The following ATG9B variants were observed in gnomAD, a reference collection of about 807,000 sequenced individuals.
ATG9B encodes the protein autophagy related 9B.
Under a neutral mutation model 92.9 loss-of-function variants are expected in ATG9B, and 92 were observed. The observed-to-expected ratio is 0.99, with a 90% CI of 0.84 to 1.18. The LOEUF is 1.18. ATG9B is among the 50% of genes most tolerant of loss of function. ATG9B has a pLI of 0.00. For missense variants in ATG9B, 1,344 were observed against 1,235.0 expected (o/e 1.09, Z -1.32); for synonymous variants, 599 against 551.4 (o/e 1.09, Z -1.21).
Position 151,015,695 on chromosome 7 carries a change from G to T in ATG9B, c.*33C>A. 1.4e-6 allele frequency: 1 copy of T among 713,794 alleles called. No homozygotes were observed. The highest frequency in any genetic ancestry group is 2.1e-6 in the Non-Finnish European group (1 of 478,062). The allele number at this position is 713,794 out of a possible 1,614,324, so 44.2% of individuals were successfully genotyped here. On this transcript the variant is annotated 3_prime_UTR_variant, in exon 14 of 14. Coordinates refer to ENST00000639579, the MANE Select transcript of ATG9B (RefSeq NM_001317056.2). The stretch of plus-strand genomic sequence containing the variant: ...CTACTCCACCCTCCAATCTCCTGTG[G>T]CTGCCGAAGCCAGGGTACCTGTGGG...
At chr7:151,016,326 C>T (rs1392442816) in intron 11 of ATG9B, 91 bp from the exon 12 acceptor site, 2 of 1,486,514 alleles carry the variant, frequency 1.3e-6, no homozygotes, top group Non-Finnish European at 1.8e-6. Flanking sequence ...TCAGCCTCCT[C>T]CTGCCACTCT....
At position 151,017,179 on chromosome 7, in the gene ATG9B, G is replaced by C; in HGVS notation, c.2146C>G (p.Pro716Ala). The change falls in exon 9 of 14, where the codon CCA becomes GCA. Residue 716 changes from proline to alanine, a missense_variant. Transcript: ENST00000639579. ...LSLMRFSLAH[P>A]LWRPPGHSSK... ...CTGTGCCCTGGGGGGCGCCAGAGTG[G>C]ATGCGCCAGGGAGAACCGCATCAAA... 6.2e-7 allele frequency: 1 copy of C among 1,613,198 alleles called. No homozygotes were observed. The highest frequency in any genetic ancestry group is 1.1e-5 in the South Asian group (1 of 91,046).
In ATG9B at chr7:151,018,900, CGCGCGCCCCCA is replaced by C; in HGVS notation, c.1427_1437del (p.Leu476ArgfsTer213). The C allele has an allele frequency of 6.1e-6, 9 of 1,469,074 alleles. No homozygotes were observed. Among genetic ancestry groups the C allele is most frequent in the Non-Finnish European group, 8.0e-6 (9 of 1,119,240 alleles). 91.0% of individuals were successfully genotyped at this position (1,469,074 alleles called of 1,614,324 possible). A position where few individuals can be genotyped will look rare whatever the true frequency, so the allele number is the denominator to read the frequency against. Reference sequence around the variant, plus strand: ...TGCAAGCGCGCCAGGCGGGACCAGCCGCGCGCCCCCAGCGCGCCAGGCTCGCGCCGCAGCAG... The same window carrying C: ...TGCAAGCGCGCCAGGCGGGACCAGCCGCGCGCCAGGCTCGCGCCGCAGCAG... On this transcript the variant is annotated frameshift_variant, in exon 6 of 14. Coordinates refer to ENST00000639579, the MANE Select transcript of ATG9B (RefSeq NM_001317056.2). LOFTEE classifies it high-confidence loss of function. This position sits in a 1 kb window ranked among gnomAD's most constrained non-coding sequence, Gnocchi z 4.7.
At position 151,018,144 on chromosome 7, in the gene ATG9B, A is replaced by G. The variant is rs918293147; in HGVS notation, c.1873-94T>C. 6.8e-7 allele frequency: 1 copy of G among 1,470,446 alleles called. No homozygotes were observed. The highest frequency in any genetic ancestry group is 1.4e-5 in the African/African-American group (1 of 70,678). 91.1% of individuals were successfully genotyped at this position (1,470,446 alleles called of 1,614,324 possible). A position where few individuals can be genotyped will look rare whatever the true frequency, so the allele number is the denominator to read the frequency against. ...GTCCCCAGCGACCCTCGCCAGGGCA[A>G]GAAGCCTCCCCACCCAGTCACTCCC... On this transcript the variant is annotated intron_variant, in intron 7 of 13. Transcript: ENST00000639579. This position sits in a 1 kb window ranked among gnomAD's most constrained non-coding sequence, Gnocchi z 4.7.
Position 151,019,011 on chromosome 7 carries a change from CCAG to C in ATG9B, c.1324_1326del (p.Leu442del), listed in dbSNP as rs1249886714. On this transcript the variant is annotated inframe_deletion, in exon 6 of 14. Transcript: ENST00000639579. ...GGGCTCAGCGCCAGGTTCAGGGCGG[CCAG>C]CAGCAGCACTGTGCGCCCCCAGCGC... 1.3e-6 allele frequency: 2 copies of C among 1,559,078 alleles called. No individual in the cohort carries two copies.
intron 4 of ATG9B, 74 bp from the exon 5 acceptor site, chr7:151,021,403 G>A: frequency 2.0e-6 from 3 of 1,482,802 alleles, no homozygotes; most frequent in South Asian, 2.8e-5. Context: ...CTTCGGGAGT[G>A]AGGAAAAACC....
rs753676261 is a variant in ATG9B at position 151,021,263 on chromosome 7, C to T, written c.888G>A (p.Leu296=). ...TGAAGAGGTTGCAGACTGAGCGAAGCAGTTGGACCAGCCAGAAGCCGGCAG... is the reference window on the plus strand; with the variant it reads ...TGAAGAGGTTGCAGACTGAGCGAAGTAGTTGGACCAGCCAGAAGCCGGCAG... ...VLAAGFWLVQ[L]LRSVCNLFSY... The change falls in exon 5 of 14, where the codon CTG becomes CTA. Residue 296 remains leucine, a synonymous_variant. Transcript: ENST00000639579. The T allele has an allele frequency of 6.2e-7, 1 of 1,613,378 alleles. No homozygotes were observed. The highest frequency in any genetic ancestry group is 1.1e-5 in the South Asian group (1 of 91,066).
Position 151,017,946 on chromosome 7 carries a change from GA to G in ATG9B, c.1976del (p.Phe659SerfsTer19), listed in dbSNP as rs1215718447. The G allele has an allele frequency of 8.7e-6, 14 of 1,609,322 alleles. No homozygotes were observed. The highest frequency in any genetic ancestry group is 1.0e-5 in the Non-Finnish European group (12 of 1,177,734). On this transcript the variant is annotated frameshift_variant, in exon 8 of 14. Transcript: ENST00000639579. LOFTEE classifies it high-confidence loss of function. ...CCCCAACCCCAGCCACATCCACAGTGAAGTGATGAAAAAAGTCGATAATCTC... is the reference window on the plus strand; with the variant it reads ...CCCCAACCCCAGCCACATCCACAGTGAGTGATGAAAAAAGTCGATAATCTC... ...ALEIIDFFHH[F>X]TVDVAGVGDI...
chr7:151,016,941 A>G, intron 9 of ATG9B, 95 bp downstream of exon 9: 3 of 1,497,974 alleles, frequency 2.0e-6, no homozygotes, highest in Non-Finnish European at 2.7e-6. Context: ...GGGGCTGGTG[A>G]GGCAGGTTAC....
At chr7:151,014,668 G>GC (rs1296739014), downstream of ATG9B, 1 of 151,764 alleles carries the variant, frequency 6.6e-6, no homozygotes, top group African/African-American at 2.4e-5. Context: ...GAGTGCAGTG[G>GC]CGTGATCTCA....
chr7:151,023,696 G>T lies in ATG9B; in HGVS notation c.585C>A (p.Phe195Leu). ...SWHHIQNLDS[F>L]FTKIYSYHQR... Reference sequence around the variant, plus strand: ...CTAGCGCAAAGGATATCTTGGTGAAGAAACTGTCCAGGTTCTGGATGTGAT... The same window carrying T: ...CTAGCGCAAAGGATATCTTGGTGAATAAACTGTCCAGGTTCTGGATGTGAT... The change falls in exon 2 of 14, where the codon TTC (phenylalanine) becomes TTA (leucine). Residue 195 changes from phenylalanine (F) to leucine (L), a missense_variant. Phe to Leu is a conservative substitution (Grantham distance 22). Transcript: ENST00000639579. The T allele has an allele frequency of 6.2e-7, 1 of 1,614,074 alleles. No homozygotes were observed. Among genetic ancestry groups the T allele is most frequent in the Non-Finnish European group, 8.5e-7 (1 of 1,180,030 alleles).
downstream of ATG9B, chr7:151,012,483 G>T (rs7830): frequency 0.35 from 558,650 of 1,607,052 alleles, 100,372 homozygotes; most frequent in Admixed American, 0.55. Flanking sequence ...GTGAGGCTGG[G>T]GACTAAAGGA....
chr7:151,019,542 C>T (rs1420415628), intron 5 of ATG9B, among the ~76,000 whole-genome samples, 168 bp from the exon 6 acceptor site: 2 of 152,204 alleles, frequency 1.3e-5, no homozygotes, highest in African/African-American at 4.8e-5. Flanking sequence ...TCTCTTTCTG[C>T]CCTCCCTTAA....
At position 151,018,985 on chromosome 7, in the gene ATG9B, C is replaced by T; in HGVS notation, c.1353G>A (p.Pro451=). 2 of 1,576,880 alleles carry T rather than the reference C, an allele frequency of 1.3e-6. No individual in the cohort carries two copies. The highest frequency in any genetic ancestry group is 8.6e-7 in the Non-Finnish European group (1 of 1,166,146). The change falls in exon 6 of 14, where the codon CCG becomes CCA. Residue 451 remains proline, a synonymous_variant. Coordinates refer to ENST00000639579, the MANE Select transcript of ATG9B (RefSeq NM_001317056.2). The surrounding 1 kb of genome is among the most constrained non-coding windows in gnomAD (Gnocchi z 4.7). ...LLAALNLALS[P]LVLAWQVLHV... is the part of the protein sequence containing the mutation. ...GCAGAACCTGCCAGGCCAGCACCAG[C>T]GGGCTCAGCGCCAGGTTCAGGGCGG...
intron 4 of ATG9B, 48 bp downstream of exon 4, chr7:151,022,996 AC>A: frequency 6.2e-7 from 1 of 1,611,918 alleles, no homozygotes; most frequent in Non-Finnish European, 8.5e-7. Context: ...CTACTCCTCT[AC>A]CCACTGCCCA....
chr7:151,013,633 A>T (rs1584915241), downstream of ATG9B: 1 of 1,213,864 alleles, frequency 8.2e-7, no homozygotes, highest in East Asian at 3.0e-5. Flanking sequence ...CCCGCTCCGG[A>T]GACTTTCACG....
intron 10 of ATG9B, 39 bp from the exon 11 acceptor site, chr7:151,016,566 C>T (rs2117153536): frequency 6.5e-7 from 1 of 1,541,510 alleles, no homozygotes; most frequent in East Asian, 2.5e-5. Context: ...GTCATGCCCT[C>T]CTCCCGCCAC....
intron 10 of ATG9B, 52 bp from the exon 11 acceptor site, chr7:151,016,579 C>T: frequency 6.5e-7 from 1 of 1,545,420 alleles, no homozygotes; most frequent in South Asian, 1.2e-5. Context: ...CCCGCCACAC[C>T]CCAGAGGACT....
At chr7:151,014,133 G>A (rs1352070039), downstream of ATG9B, 1 of 1,611,012 alleles carries the variant, frequency 6.2e-7, no homozygotes, top group Middle Eastern at 1.7e-4. Context: ...TGCCCTGGGC[G>A]TTCGACCCTC....
Sources: gnomAD v4.1 joint callset for allele counts (sites outside exome capture counted in the v4.1 genomes callset) on GRCh38, gnomAD v4.1.1 for gene constraint, Gnocchi (gnomAD v3.1) non-coding constraint, MANE v1.5 for transcripts, NCBI Gene and HGNC (gene_info 2026-07-23, HGNC 2026-07-21) for gene names.